The following CDH4 variants were observed in gnomAD, a reference collection of about 807,000 sequenced individuals.
CDH4 encodes the protein cadherin 4.
CDH4 carries 33 observed loss-of-function variants against 86.0 expected under a neutral mutation model. The observed-to-expected ratio is 0.38, with a 90% CI of 0.29 to 0.51. The LOEUF (loss-of-function observed/expected upper bound fraction) is 0.51. Ranked by LOEUF, CDH4 falls within the 20% of genes least tolerant of loss-of-function variation. The pLI is 0.86. For synonymous variants in CDH4, 555 were observed against 549.4 expected, an observed-to-expected ratio of 1.01 and a Z score of -0.14; for missense variants, 1,114 against 1,307.4, an observed-to-expected ratio of 0.85 and a Z score of 2.28.
At chr20:61,929,973 C>G in intron 13 of CDH4, 131 bp downstream of exon 13, 1 of 699,154 alleles carries the variant, frequency 1.4e-6, no homozygotes, top group Non-Finnish European at 2.4e-6. Flanking sequence ...TGTCAGGAGC[C>G]TTTCAGAAAT....
intron 2 of CDH4, among the ~76,000 whole-genome samples, chr20:61,698,723 C>G (rs943730030): frequency 6.6e-6 from 1 of 152,206 alleles, no homozygotes; most frequent in Non-Finnish European, 1.5e-5. Context: ...GATCCCTGGT[C>G]CCCACCCAGT....
chr20:61,880,065 T>C (rs1289509746), intron 7 of CDH4, among the ~76,000 whole-genome samples: 5 of 152,230 alleles, frequency 3.3e-5, no homozygotes, highest in African/African-American at 1.2e-4. Flanking sequence ...TGGAGAGTGA[T>C]AACGTGGCTC....
chr20:61,255,241 A>T (rs1173069088), intron 2 of CDH4, among the ~76,000 whole-genome samples: 1 of 152,242 alleles, frequency 6.6e-6, no homozygotes, highest in Non-Finnish European at 1.5e-5. Flanking sequence ...TTATGCATGA[A>T]GTTCTGGATA....
intron 4 of CDH4, among the ~76,000 whole-genome samples, chr20:61,805,113 T>C (rs1194265193): frequency 6.6e-6 from 1 of 151,898 alleles, no homozygotes; most frequent in Non-Finnish European, 1.5e-5. Flanking sequence ...ATCTTGGGAG[T>C]GACTCATTGG....
At chr20:61,792,460 C>T (rs1027730107) in intron 4 of CDH4, among the ~76,000 whole-genome samples, 5 of 152,106 alleles carry the variant, frequency 3.3e-5, no homozygotes, top group Admixed American at 6.6e-5. Context: ...GCTGGGTGCG[C>T]GGGAGTTAAG....
intron 2 of CDH4, among the ~76,000 whole-genome samples, chr20:61,659,858 C>T (rs958242854): frequency 6.6e-6 from 1 of 152,200 alleles, no homozygotes. Context: ...AGGGCTGCAG[C>T]TGCAGCCTCT....
rs750401864 is a variant in CDH4, at chr20:61,743,670, G to A, written c.277G>A (p.Val93Ile). ...AGTCTTCGCCACCCGGGAGCTGCAG[G>A]TCCCCTCCGAGCAGGTGGCGTTCAC... is the stretch of plus-strand genomic sequence containing the variant. ...GTVFATRELQVPSEQVAFTVT... is the reference protein window; with the variant it reads ...GTVFATRELQIPSEQVAFTVT... Residue 93 changes from valine to isoleucine, a missense_variant, in exon 3 of 16, where the codon GTC becomes ATC. This residue lies in a region of CDH4 where 221 missense variants were observed against 209.5 expected (regional missense o/e 1.05). Coordinates refer to ENST00000614565, the MANE Select transcript of CDH4 (RefSeq NM_001794.5). 1 of 1,603,972 alleles carries A rather than the reference G, an allele frequency of 6.2e-7. No individual in the cohort carries two copies. The highest frequency in any genetic ancestry group is 2.2e-5 in the East Asian group (1 of 44,516).
At chr20:61,386,612 C>T (rs972274963) in intron 2 of CDH4, among the ~76,000 whole-genome samples, 7 of 152,196 alleles carry the variant, frequency 4.6e-5, no homozygotes, top group Non-Finnish European at 8.8e-5. Flanking sequence ...CTGGCTCTGC[C>T]CTTCCTAGAG....
At position 61,544,496 on chromosome 20, in the gene CDH4, G is replaced by A. The variant is rs111524483; in HGVS notation, c.170-199067G>A. On this transcript the variant is annotated intron_variant, in intron 2 of 15. Transcript: ENST00000614565. The surrounding 1 kb of genome is among the most constrained non-coding windows in gnomAD (Gnocchi z 6.5). ...CATCGGGGTCTTCGAAGGAAAGCCC[G>A]TGGATTATGCATCCAGGAATTAAAG... Among the ~76,000 whole-genome samples, 474 of 151,958 alleles carry A rather than the reference G, an allele frequency of 3.1e-3. 1 individual carries two copies. The highest frequency in any genetic ancestry group is 0.01 in the African/African-American group (432 of 41,446).
intron 2 of CDH4, among the ~76,000 whole-genome samples, chr20:61,352,879 C>T (rs1415147348): frequency 2.6e-5 from 4 of 152,146 alleles, no homozygotes; most frequent in Non-Finnish European, 4.4e-5. Context: ...TGAGACGCTG[C>T]GGACAAGGAG....
intron 2 of CDH4, among the ~76,000 whole-genome samples, chr20:61,647,560 T>TCTCCCTCTCC: frequency 1.0e-5 from 1 of 97,504 alleles, no homozygotes; most frequent in South Asian, 3.2e-4. Flanking sequence ...TCCCTCTCCC[T>TCTCCCTCTCC]CTCCCTCTCC....
rs890338844 is a variant in CDH4, at chr20:61,259,531, G to A, written c.169+4594G>A. On this transcript the variant is annotated intron_variant, in intron 2 of 15. Transcript: ENST00000614565. ...GAGCCGGAAAATACTGACACTGTTC[G>A]TGTTTCCGAGTCGCTTTGGTTAACT... 2.0e-5 allele frequency among the ~76,000 whole-genome samples: 3 copies of A among 152,218 alleles called. No homozygotes were observed. In the East Asian group the frequency reaches 5.8e-4, roughly 29 times the overall value.
chr20:61,287,770 G>C (rs1279716851), intron 2 of CDH4, among the ~76,000 whole-genome samples: 1 of 152,180 alleles, frequency 6.6e-6, no homozygotes, highest in African/African-American at 2.4e-5. Context: ...CTCCCCCTAA[G>C]TGAGGCTTGT....
rs114923566 is a variant in CDH4, at chr20:61,836,976, A to G, written c.577-7692A>G. Among the ~76,000 whole-genome samples, 676 of 152,348 alleles carry G rather than the reference A, an allele frequency of 4.4e-3. 7 individuals carry two copies. Among genetic ancestry groups the G allele is most frequent in the African/African-American group, 0.016 (654 of 41,576 alleles). ...TGGGAGGCTGAGGCAGGAAGGTCAC[A>G]TGAGGCCAAGAGTTTGAGACCAGAC... On this transcript the variant is annotated intron_variant, in intron 4 of 15. Coordinates refer to ENST00000614565, the MANE Select transcript of CDH4 (RefSeq NM_001794.5).
rs140318642 is a variant in CDH4 at position 61,632,420 on chromosome 20, G to A, written c.170-111143G>A. Among the ~76,000 whole-genome samples, 377 of 152,224 alleles carry A rather than the reference G, an allele frequency of 2.5e-3. 1 individual carries two copies. The highest frequency in any genetic ancestry group is 8.7e-3 in the African/African-American group (362 of 41,524). ...GATCCTTCCAACTCACCACCCACAG[G>A]TGCCAGGATAAGTGTGACCCTTGCC... On this transcript the variant is annotated intron_variant, in intron 2 of 15. Transcript: ENST00000614565.
At chr20:61,885,468 T>G (rs1218197496) in intron 7 of CDH4, among the ~76,000 whole-genome samples, 2 of 152,234 alleles carry the variant, frequency 1.3e-5, no homozygotes, top group African/African-American at 4.8e-5. Context: ...CTGCGTTTCA[T>G]GCCTCTTAAT....
At chr20:61,857,631 C>T (rs1372117768) in intron 6 of CDH4, among the ~76,000 whole-genome samples, 1 of 152,272 alleles carries the variant, frequency 6.6e-6, no homozygotes, top group Admixed American at 6.5e-5. Context: ...TCGTCTGCTG[C>T]GTTGGGCTTC....
chr20:61,312,964 C>A lies in CDH4; in HGVS notation c.169+58027C>A, dbSNP rs546067643. Among the ~76,000 whole-genome samples, 55 of 152,298 alleles carry A rather than the reference C, an allele frequency of 3.6e-4. No homozygotes were observed. The Middle Eastern group carries it at 0.014, about 38-fold the overall frequency. Reference sequence around the variant, plus strand: ...TCCCTCGATCCAAGCTTTCCTACCCCCTCACTGCCTCCAGGGCCTGGGGGT... The same window carrying A: ...TCCCTCGATCCAAGCTTTCCTACCCACTCACTGCCTCCAGGGCCTGGGGGT... On this transcript the variant is annotated intron_variant, in intron 2 of 15. Transcript: ENST00000614565.
intron 2 of CDH4, among the ~76,000 whole-genome samples, chr20:61,466,793 T>C (rs1274084446): frequency 6.6e-6 from 1 of 151,162 alleles, no homozygotes; most frequent in Non-Finnish European, 1.5e-5. Context: ...AGAGGTTGCA[T>C]TGAGCCAAGA....
Sources: gnomAD v4.1 joint callset for allele counts (sites outside exome capture counted in the v4.1 genomes callset) on GRCh38, gnomAD v4.1.1 for gene constraint, gnomAD v4.1.1 regional missense constraint, Gnocchi (gnomAD v3.1) non-coding constraint, MANE v1.5 for transcripts, NCBI Gene and HGNC (gene_info 2026-07-23, HGNC 2026-07-21) for gene names.